Variants in PPP1R9A observed in about 807,000 individuals in gnomAD.
PPP1R9A encodes the protein neurabin-1.
A neutral mutation model predicts 141.9 loss-of-function variants in PPP1R9A; 59 were observed. The observed-to-expected ratio is 0.42, with a 90% CI of 0.34 to 0.52. The LOEUF (loss-of-function observed/expected upper bound fraction) is 0.52, where lower values mean the gene tolerates loss of function less well. Among genes scored for constraint, PPP1R9A ranks in the 20% least tolerant of loss-of-function variants. The pLI is 0.10. For synonymous variants in PPP1R9A, 500 were observed against 569.7 expected (o/e 0.88, Z 1.74); for missense variants, 1,444 against 1,611.9 (o/e 0.90, Z 1.78).
At chr7:95,169,549 G>T (rs750753706) in intron 5 of PPP1R9A, among the ~76,000 whole-genome samples, 1 of 151,896 alleles carries the variant, frequency 6.6e-6, no homozygotes, top group Non-Finnish European at 1.5e-5. Context: ...TTCCCAGCAC[G>T]TAGAAATGAT....
In PPP1R9A at chr7:95,103,362, C is replaced by CTTTTTTTTTTT. The variant is rs897838647; in HGVS notation, c.1396-7889_1396-7879dup. ...GAGTATGTTTGGTTTTTTTTCACTT[C>CTTTTTTTTTTT]TTTTTTTTTTTTTTTTTTGAGACAG... On this transcript the variant is annotated intron_variant, in intron 2 of 19. Coordinates refer to ENST00000433360, the MANE Select transcript of PPP1R9A (RefSeq NM_001166160.2). Among the ~76,000 whole-genome samples the CTTTTTTTTTTT allele has an allele frequency of 4.4e-4, 39 of 88,810 alleles. 3 individuals are homozygous for CTTTTTTTTTTT. The highest frequency in any genetic ancestry group is 0.016 in the Middle Eastern group (2 of 126). 58.3% of individuals were successfully genotyped at this position (88,810 alleles called of 152,430 possible). A position where few individuals can be genotyped will look rare whatever the true frequency, so the allele number is the denominator to read the frequency against.
intron 4 of PPP1R9A, among the ~76,000 whole-genome samples, chr7:95,159,064 G>T (rs1421298132): frequency 6.6e-6 from 1 of 152,130 alleles, no homozygotes; most frequent in Non-Finnish European, 1.5e-5. Context: ...ACTCATTCAT[G>T]TGCATAAGGA....
chr7:95,130,312 G>A lies in PPP1R9A; in HGVS notation c.1649+9480G>A, dbSNP rs867702491. On this transcript the variant is annotated intron_variant, in intron 4 of 19. Transcript: ENST00000433360. ...TGGCTTCAGAGGATGCAAGCCCCAA[G>A]CCTTGGCAGCTTCCATATGGTGTTG... Among the ~76,000 whole-genome samples, 27 of 152,296 alleles carry A rather than the reference G, an allele frequency of 1.8e-4. 1 individual carries two copies. In the South Asian group the frequency reaches 5.4e-3, roughly 30 times the overall value.
intron 2 of PPP1R9A, among the ~76,000 whole-genome samples, chr7:94,943,261 AGGG>A: frequency 6.6e-6 from 1 of 152,210 alleles, no homozygotes; most frequent in South Asian, 2.1e-4. Flanking sequence ...ATCTCCCCAG[AGGG>A]GTATAGCTTT....
At chr7:94,952,288 C>A (rs1266303977) in intron 2 of PPP1R9A, among the ~76,000 whole-genome samples, 1 of 152,102 alleles carries the variant, frequency 6.6e-6, no homozygotes, top group Non-Finnish European at 1.5e-5. Flanking sequence ...TGAACTCATC[C>A]ATTTTTATGG....
At chr7:95,246,794 G>A (rs1016779140) in intron 8 of PPP1R9A, among the ~76,000 whole-genome samples, 6 of 152,070 alleles carry the variant, frequency 3.9e-5, no homozygotes, top group Non-Finnish European at 7.4e-5. Context: ...CAAAGCGGGG[G>A]GAGGGACAAG....
At position 95,284,288 on chromosome 7, in the gene PPP1R9A, G is replaced by T; in HGVS notation, c.3567G>T (p.Arg1189Ser). ...CCTCCTCTTCTTCAATCTTTGGAAG[G>T]CATTCTCAACTTATGTCTGTAGTCT... ...PNPSSSSIFG[R>S]HSQLMSVVWI... The change falls in exon 17 of 20, where the codon AGG (arginine) becomes AGT (serine). Residue 1189 changes from arginine (R) to serine (S), a missense_variant. Transcript: ENST00000433360. The T allele has an allele frequency of 6.4e-7, 1 of 1,558,604 alleles. No homozygotes were observed. Among genetic ancestry groups the T allele is most frequent in the Non-Finnish European group, 8.7e-7 (1 of 1,148,164 alleles).
chr7:95,280,684 AAAGAAG>A (rs1804042769), intron 16 of PPP1R9A, among the ~76,000 whole-genome samples: 1 of 152,212 alleles, frequency 6.6e-6, no homozygotes, highest in Non-Finnish European at 1.5e-5. Context: ...TATAGCTAAA[AAAGAAG>A]GTGAAGGGAA....
chr7:94,952,591 A>G (rs979370182), intron 2 of PPP1R9A, among the ~76,000 whole-genome samples: 5 of 152,174 alleles, frequency 3.3e-5, no homozygotes, highest in African/African-American at 9.6e-5. Context: ...AAGTGTTCCT[A>G]TTTCTCTACA....
intron 2 of PPP1R9A, among the ~76,000 whole-genome samples, chr7:95,100,733 C>T (rs1339661288): frequency 6.6e-6 from 1 of 152,112 alleles, no homozygotes; most frequent in Non-Finnish European, 1.5e-5. Flanking sequence ...GGTATTCAGT[C>T]CCCTTCCTGA....
intron 2 of PPP1R9A, chr7:95,036,230 T>C (rs1808406288): frequency 6.6e-6 from 1 of 152,044 alleles, no homozygotes; most frequent in Non-Finnish European, 1.5e-5. Context: ...AATAGAAAAA[T>C]TAATGTATCA....
intron 2 of PPP1R9A, among the ~76,000 whole-genome samples, chr7:95,022,437 G>T (rs1806118970): frequency 6.6e-6 from 1 of 152,108 alleles, no homozygotes; most frequent in South Asian, 2.1e-4. Context: ...GAGACAATTT[G>T]ACTTCCTCTA....
intron 5 of PPP1R9A, among the ~76,000 whole-genome samples, chr7:95,197,632 A>G (rs1020561356): frequency 3.3e-5 from 5 of 152,050 alleles, no homozygotes; most frequent in Non-Finnish European, 5.9e-5. Context: ...GAGTTATGCT[A>G]TGCGTCAAAA....
intron 4 of PPP1R9A, among the ~76,000 whole-genome samples, chr7:95,129,906 G>A (rs1824276038): frequency 6.6e-6 from 1 of 152,176 alleles, no homozygotes; most frequent in Non-Finnish European, 1.5e-5. Context: ...AAGGCTTCAA[G>A]AAGTGACTTA....
intron 2 of PPP1R9A, among the ~76,000 whole-genome samples, chr7:94,933,595 T>C (rs1469904161): frequency 2.6e-5 from 4 of 152,152 alleles, no homozygotes; most frequent in Non-Finnish European, 5.9e-5. Flanking sequence ...AAAGCTTTTG[T>C]TTTGTTCCAA....
chr7:95,100,921 C>T (rs901869366), intron 2 of PPP1R9A, among the ~76,000 whole-genome samples: 1 of 134,778 alleles, frequency 7.4e-6, no homozygotes, highest in Non-Finnish European at 1.5e-5. Flanking sequence ...GGCGGGATCT[C>T]GGCTCACTGC....
intron 2 of PPP1R9A, among the ~76,000 whole-genome samples, chr7:95,082,224 A>G (rs376388902): frequency 1.8e-4 from 27 of 152,322 alleles, no homozygotes; most frequent in African/African-American, 5.8e-4. Flanking sequence ...CTAACCAAAA[A>G]ACTTAATAGG....
intron 18 of PPP1R9A, 61 bp from the exon 19 acceptor site, chr7:95,288,475 G>A (rs1805755715): frequency 6.4e-7 from 1 of 1,558,468 alleles, no homozygotes; most frequent in African/African-American, 1.4e-5. Context: ...CCTTTTGATA[G>A]CATAATATGA....
At chr7:95,032,027 A>G (rs1404981714) in intron 2 of PPP1R9A, among the ~76,000 whole-genome samples, 2 of 152,212 alleles carry the variant, frequency 1.3e-5, no homozygotes, top group African/African-American at 4.8e-5. Flanking sequence ...GTCTGCTTCA[A>G]ATCACTTTGG....
Sources: allele counts gnomAD v4.1 joint callset (sites outside exome capture counted in the v4.1 genomes callset), GRCh38; gene constraint gnomAD v4.1.1; transcripts MANE v1.5; gene names NCBI Gene and HGNC (gene_info 2026-07-23, HGNC 2026-07-21).